FXYD2: variants seen among roughly 807,000 people sequenced by gnomAD.
FXYD2 encodes FXYD domain containing ion transport regulator 2.
FXYD2 carries 8 observed loss-of-function variants against 11.8 expected under a neutral mutation model. The observed-to-expected ratio is 0.68, with a 90% confidence interval of 0.40 to 1.22. The LOEUF is 1.22. FXYD2 is among the 50% of genes most tolerant of loss of function. FXYD2 has a pLI of 0.01. For missense variants in FXYD2, 92 were observed against 91.8 expected (o/e 1.00, Z -0.01); for synonymous variants, 42 against 33.3 (o/e 1.26, Z -0.90).
At chr11:117,821,133 T>A (rs931069558) in intron 3 of FXYD2, 15 of 426,030 alleles carry the variant, frequency 3.5e-5, no homozygotes, top group African/African-American at 4.2e-5. Context: ...CGTAGCTCAC[T>A]GCAGCCTCAA....
At position 117,824,380 on chromosome 11, in the gene FXYD2, G is replaced by A; in HGVS notation, c.25+274C>T. Reference sequence around the variant, plus strand: ...AAGATGCATTGAACTCAGGGCGGGTGTGTGCCAGGAGGCCGAGGAGGAACG... The same window carrying A: ...AAGATGCATTGAACTCAGGGCGGGTATGTGCCAGGAGGCCGAGGAGGAACG... On this transcript the variant is annotated intron_variant, in intron 1 of 5. Coordinates refer to ENST00000292079, the MANE Select transcript of FXYD2 (RefSeq NM_001680.5). This position sits in a 1 kb window ranked among gnomAD's most constrained non-coding sequence, Gnocchi z 4.0. 1 of 580,334 alleles carries A rather than the reference G, an allele frequency of 1.7e-6. No individual in the cohort carries two copies. The highest frequency in any genetic ancestry group is 3.1e-6 in the Non-Finnish European group (1 of 323,722). 35.9% of individuals were successfully genotyped at this position (580,334 alleles called of 1,614,324 possible).
In FXYD2 at chr11:117,824,318, C is replaced by G. The variant is rs894273728; in HGVS notation, c.25+336G>C. On this transcript the variant is annotated intron_variant, in intron 1 of 5. Coordinates refer to ENST00000292079, the MANE Select transcript of FXYD2 (RefSeq NM_001680.5). This position sits in a 1 kb window ranked among gnomAD's most constrained non-coding sequence, Gnocchi z 4.0. Reference sequence around the variant, plus strand: ...CCTGCTCCTTCCCCAGCCAGATGGACGCCGTCTGCCTCCCGCCCAAGTTCA... The same window carrying G: ...CCTGCTCCTTCCCCAGCCAGATGGAGGCCGTCTGCCTCCCGCCCAAGTTCA... The G allele has an allele frequency of 1.3e-5, 6 of 453,036 alleles. No homozygotes were observed. In the Admixed American group the frequency reaches 2.0e-4, roughly 15 times the overall value. 28.1% of individuals were successfully genotyped at this position (453,036 alleles called of 1,614,324 possible). A position where few individuals can be genotyped will look rare whatever the true frequency, so the allele number is the denominator to read the frequency against.
At chr11:117,826,782 A>G (rs10892180), upstream of FXYD2, among the ~76,000 whole-genome samples, 20,222 of 70,486 alleles carry the variant, frequency 0.29, 1,382 homozygotes, top group East Asian at 0.31. Flanking sequence ...CTGTCTGTCT[A>G]TCTATCTATC....
rs200994651 is a variant in FXYD2 at position 117,822,084 on chromosome 11, G to A, written c.139+322C>T. ...GTGGGATCATCCCTATTTAACAAAT[G>A]AGTTTGGGACCATGGTTAGCAGCGG... On this transcript the variant is annotated intron_variant, in intron 3 of 5. Transcript: ENST00000292079. The surrounding 1 kb of genome is among the most constrained non-coding windows in gnomAD (Gnocchi z 4.7). 2.8e-5 allele frequency: 36 copies of A among 1,298,940 alleles called. No homozygotes were observed. In the East Asian group the frequency reaches 1.1e-3, roughly 39 times the overall value. The allele number at this position is 1,298,940 out of a possible 1,614,324, so 80.5% of individuals were successfully genotyped here. A position where few individuals can be genotyped will look rare whatever the true frequency, so the allele number is the denominator to read the frequency against.
At position 117,822,298 on chromosome 11, in the gene FXYD2, G is replaced by C. The variant is rs1179196547; in HGVS notation, c.139+108C>G. On this transcript the variant is annotated intron_variant, in intron 3 of 5. Coordinates refer to ENST00000292079, the MANE Select transcript of FXYD2 (RefSeq NM_001680.5). The surrounding 1 kb of genome is among the most constrained non-coding windows in gnomAD (Gnocchi z 4.7). The stretch of plus-strand genomic sequence containing the variant: ...ACATCCTGCAGTGGGGGGCGTGGTG[G>C]GGAGGCTCACCCCTCCCTTGGCAAC... 1.6e-5 allele frequency: 25 copies of C among 1,545,296 alleles called. No individual in the cohort carries two copies. The highest frequency in any genetic ancestry group is 2.2e-5 in the Non-Finnish European group (25 of 1,145,708).
In FXYD2 at chr11:117,821,041, A is replaced by G. The variant is rs1031273107; in HGVS notation, c.140-146T>C. The G allele has an allele frequency of 1.3e-4, 114 of 889,076 alleles. No individual in the cohort carries two copies. In the African/African-American group the frequency reaches 1.9e-3, roughly 15 times the overall value. The allele number at this position is 889,076 out of a possible 1,614,324, so 55.1% of individuals were successfully genotyped here. A position where few individuals can be genotyped will look rare whatever the true frequency, so the allele number is the denominator to read the frequency against. ...TTGGAGGCCACGTTTGACTGTCTCT[A>G]TTTTATTTTATATTTTATTTTATTT... On this transcript the variant is annotated intron_variant, in intron 3 of 5. Coordinates refer to ENST00000292079, the MANE Select transcript of FXYD2 (RefSeq NM_001680.5).
intron 5 of FXYD2, 134 bp from the exon 6 acceptor site, chr11:117,820,506 T>G: frequency 1.2e-6 from 1 of 849,128 alleles, no homozygotes; most frequent in African/African-American, 1.7e-5. Flanking sequence ...GCCAGGCCCT[T>G]GGCCATCATT....
In FXYD2 at chr11:117,824,584, C is replaced by CCCACAAAGG. The variant is rs983942834; in HGVS notation, c.25+61_25+69dup. On this transcript the variant is annotated intron_variant, in intron 1 of 5. Transcript: ENST00000292079. The surrounding 1 kb of genome is among the most constrained non-coding windows in gnomAD (Gnocchi z 4.0). ...GAGGGAAGAGTAGGGTCCAGCTGAC[C>CCCACAAAGG]CCACAAAGGCAGGCCAATCAGAGCC... 3.1e-6 allele frequency: 4 copies of CCCACAAAGG among 1,284,046 alleles called. No individual in the cohort carries two copies. In the African/African-American group the frequency reaches 5.9e-5, roughly 19 times the overall value. The allele number at this position is 1,284,046 out of a possible 1,614,324, so 79.5% of individuals were successfully genotyped here.
Position 117,820,301 on chromosome 11 carries a change from G to A in FXYD2, c.*78C>T, listed in dbSNP as rs114952534. ...CAAAGGTCTAAAGCCCAGGGAAGAA[G>A]GGGAGGCGCCAGAGGCAGGGCCATG... On this transcript the variant is annotated 3_prime_UTR_variant, in exon 6 of 6. Coordinates refer to ENST00000292079, the MANE Select transcript of FXYD2 (RefSeq NM_001680.5). The A allele has an allele frequency of 1.7e-4, 54 of 327,068 alleles. No individual in the cohort carries two copies. Among genetic ancestry groups the A allele is most frequent in the Admixed American group, 4.0e-4 (9 of 22,546 alleles). 20.3% of individuals were successfully genotyped at this position (327,068 alleles called of 1,614,324 possible).
chr11:117,824,765 CG>C, upstream of FXYD2: 1 of 1,562,284 alleles, frequency 6.4e-7, no homozygotes, highest in Non-Finnish European at 8.7e-7. The surrounding 1 kb of genome is among the most constrained non-coding windows in gnomAD (Gnocchi z 4.0). Context: ...ACGGGGTGGC[CG>C]GGGACGAGGT....
chr11:117,821,380 G>T (rs528407315), intron 3 of FXYD2: 2 of 988,304 alleles, frequency 2.0e-6, no homozygotes, highest in Non-Finnish European at 2.4e-6. Context: ...TTTATATAAG[G>T]CTGGACCATA....
Position 117,822,261 on chromosome 11 carries a change from G to T in FXYD2, c.139+145C>A, listed in dbSNP as rs1205338879. ...CCCAGCGAGCCTGGCACCCCACCGG[G>T]CACCCATTCCCACATCCTGCAGTGG... On this transcript the variant is annotated intron_variant, in intron 3 of 5. Transcript: ENST00000292079. The surrounding 1 kb of genome is among the most constrained non-coding windows in gnomAD (Gnocchi z 4.7). The T allele has an allele frequency of 1.3e-6, 2 of 1,525,892 alleles. No homozygotes were observed. Among genetic ancestry groups the T allele is most frequent in the Admixed American group, 4.0e-5 (2 of 50,432 alleles). 94.5% of individuals were successfully genotyped at this position (1,525,892 alleles called of 1,614,324 possible). A position where few individuals can be genotyped will look rare whatever the true frequency, so the allele number is the denominator to read the frequency against.
In FXYD2 at chr11:117,822,710, G is replaced by T; in HGVS notation, c.33C>A (p.Ser11Arg). 6.2e-7 allele frequency: 1 copy of T among 1,610,060 alleles called. No homozygotes were observed. The highest frequency in any genetic ancestry group is 1.1e-5 in the South Asian group (1 of 89,852). Reference sequence around the variant, plus strand: ...AGAACGGGTCCACGTCCCCCTTGGGGCTGCCGCCTAGGAGAGAGCCAGAGG... The same window carrying T: ...AGAACGGGTCCACGTCCCCCTTGGGTCTGCCGCCTAGGAGAGAGCCAGAGG... MTGLSMDGGG[S>R]PKGDVDPFYY... The change falls in exon 2 of 6, where the codon AGC becomes AGA. Residue 11 changes from serine (S) to arginine (R), a missense_variant. By Grantham distance (110) the Ser-to-Arg change is moderately radical. Transcript: ENST00000292079. This position sits in a 1 kb window ranked among gnomAD's most constrained non-coding sequence, Gnocchi z 4.7.
At position 117,821,051 on chromosome 11, in the gene FXYD2, A is replaced by ATATTT. The variant is rs560502036; in HGVS notation, c.140-161_140-157dup. 1.5e-4 allele frequency among the ~76,000 whole-genome samples: 23 copies of ATATTT among 151,906 alleles called. 1 individual carries two copies. In the South Asian group the frequency reaches 4.0e-3, roughly 26 times the overall value. ...CGTTTGACTGTCTCTATTTTATTTT[A>ATATTT]TATTTTATTTTATTTTATTTTTTGA... On this transcript the variant is annotated intron_variant, in intron 3 of 5. Coordinates refer to ENST00000292079, the MANE Select transcript of FXYD2 (RefSeq NM_001680.5).
In FXYD2 at chr11:117,820,674, A is replaced by G; in HGVS notation, c.199T>C (p.Ter67GlnextTer32). Residue 67 changes from the stop codon to glutamine, a stop_lost, in exon 5 of 6, where the codon TAA becomes CAA. Coordinates refer to ENST00000292079, the MANE Select transcript of FXYD2 (RefSeq NM_001680.5). ...KRRQINEDEP[*>Q] ...AGGCCCTCCTAGCATACCTGCTGTT[A>G]CGGCTCATCTTCATTGATTTGCCTG... is the stretch of plus-strand genomic sequence containing the variant. 5 of 1,613,904 alleles carry G rather than the reference A, an allele frequency of 3.1e-6. No individual in the cohort carries two copies. Among genetic ancestry groups the G allele is most frequent in the Middle Eastern group, 1.7e-4 (1 of 6,060 alleles).
rs1471360209 is a variant in FXYD2 at position 117,822,832 on chromosome 11, C to T, written c.26-115G>A. 11 of 1,403,014 alleles carry T rather than the reference C, an allele frequency of 7.8e-6. No homozygotes were observed. Among genetic ancestry groups the T allele is most frequent in the South Asian group, 3.7e-5 (3 of 81,474 alleles). The allele number at this position is 1,403,014 out of a possible 1,614,324, so 86.9% of individuals were successfully genotyped here. A position where few individuals can be genotyped will look rare whatever the true frequency, so the allele number is the denominator to read the frequency against. On this transcript the variant is annotated intron_variant, in intron 1 of 5. Transcript: ENST00000292079. This position sits in a 1 kb window ranked among gnomAD's most constrained non-coding sequence, Gnocchi z 4.7. ...GAGGACCCTCGAGGGTCCAAGCAGG[C>T]GAGGGGAGGCTGGGAGCAGGGGTGT...
upstream of FXYD2, chr11:117,824,834 G>T: frequency 3.0e-6 from 3 of 984,174 alleles, no homozygotes; most frequent in Non-Finnish European, 4.7e-6. This position sits in a 1 kb window ranked among gnomAD's most constrained non-coding sequence, Gnocchi z 4.0. Context: ...AAGAAAAGCT[G>T]CAGTGTGGAT....
rs890096672 is a variant in FXYD2, at chr11:117,821,744, G to T, written c.139+662C>A. On this transcript the variant is annotated intron_variant, in intron 3 of 5. Coordinates refer to ENST00000292079, the MANE Select transcript of FXYD2 (RefSeq NM_001680.5). ...GCTGCCATGGGCAACACGGGAAAAT[G>T]GGGAGACCCGCAGGACTGTGGCCCG... 1.3e-5 allele frequency: 13 copies of T among 986,304 alleles called. No homozygotes were observed. In the African/African-American group the frequency reaches 2.1e-4, roughly 16 times the overall value. 61.1% of individuals were successfully genotyped at this position (986,304 alleles called of 1,614,324 possible). A position where few individuals can be genotyped will look rare whatever the true frequency, so the allele number is the denominator to read the frequency against.
chr11:117,822,440 T>C lies in FXYD2; in HGVS notation c.105A>G (p.Gly35=), dbSNP rs2055930016. The C allele has an allele frequency of 5.1e-6, 8 of 1,563,104 alleles. No homozygotes were observed. In the South Asian group the frequency reaches 9.4e-5, roughly 18 times the overall value. ...TVRNGGLIFA[G]LAFIVGLLIL... The stretch of plus-strand genomic sequence containing the variant: ...TGAGGAGCCCCACGATGAAGGCCAG[T>C]CCAGCGAAGATCAGGCCCCCATTGC... Residue 35 remains glycine (G), a synonymous_variant, in exon 3 of 6, where the codon GGA becomes GGG. Transcript: ENST00000292079. This position sits in a 1 kb window ranked among gnomAD's most constrained non-coding sequence, Gnocchi z 4.7.
Sources: allele counts gnomAD v4.1 joint callset (sites outside exome capture counted in the v4.1 genomes callset), GRCh38; gene constraint gnomAD v4.1.1; non-coding constraint Gnocchi (gnomAD v3.1); transcripts MANE v1.5; gene names NCBI Gene and HGNC (gene_info 2026-07-23, HGNC 2026-07-21).